Variants in CTNNA2 observed in about 807,000 individuals in gnomAD.
CTNNA2 encodes catenin alpha 2.
A neutral mutation model predicts 101.0 loss-of-function variants in CTNNA2; 42 were observed. That is an observed-to-expected ratio of 0.42 (90% CI 0.32 to 0.54). The LOEUF is 0.54. CTNNA2 is among the 20% of genes least tolerant of loss of function. The pLI is 0.14. For missense variants in CTNNA2, 871 were observed against 1,223.1 expected, an observed-to-expected ratio of 0.71 and a Z score of 4.29; for synonymous variants, 450 against 456.4, an observed-to-expected ratio of 0.99 and a Z score of 0.18.
At chr2:79,881,344 A>C (rs569097013) in intron 6 of CTNNA2, among the ~76,000 whole-genome samples, 1 of 152,310 alleles carries the variant, frequency 6.6e-6, no homozygotes, top group East Asian at 1.9e-4. Flanking sequence ...TCCAGAGCTG[A>C]GTTCAGTCCT....
chr2:80,103,515 G>C (rs1342124217), intron 7 of CTNNA2, among the ~76,000 whole-genome samples: 2 of 152,128 alleles, frequency 1.3e-5, no homozygotes, highest in African/African-American at 2.4e-5. Flanking sequence ...GTATAATTTA[G>C]TCTATAACAA....
intron 9 of CTNNA2, among the ~76,000 whole-genome samples, chr2:80,436,978 G>A (rs889972633): frequency 6.6e-6 from 1 of 152,122 alleles, no homozygotes; most frequent in Non-Finnish European, 1.5e-5. Flanking sequence ...ATTAAGAGGT[G>A]GGGCTTTTAG....
chr2:79,530,807 G>A (rs1024576408), intron 1 of CTNNA2, among the ~76,000 whole-genome samples: 1 of 151,976 alleles, frequency 6.6e-6, no homozygotes. Flanking sequence ...GAAGTGAGAG[G>A]GAAGCATAAA....
chr2:80,623,872 G>C (rs190556584), intron 18 of CTNNA2, among the ~76,000 whole-genome samples: 2 of 152,004 alleles, frequency 1.3e-5, no homozygotes, highest in Admixed American at 1.3e-4. Flanking sequence ...AAAAATTAAA[G>C]TATCATGTTA....
At chr2:80,094,363 A>G (rs963733553) in intron 7 of CTNNA2, among the ~76,000 whole-genome samples, 441 of 152,132 alleles carry the variant, frequency 2.9e-3, no homozygotes, top group Non-Finnish European at 4.5e-3. Context: ...CCATTGGTCT[A>G]TCTCTCTGTT....
intron 1 of CTNNA2, among the ~76,000 whole-genome samples, chr2:79,627,973 T>C (rs1306305414): frequency 6.6e-6 from 1 of 152,202 alleles, no homozygotes; most frequent in Admixed American, 6.5e-5. Context: ...ATGAATTCTT[T>C]GCATATATAT....
At chr2:80,436,686 G>A (rs750871456) in intron 9 of CTNNA2, among the ~76,000 whole-genome samples, 1 of 152,136 alleles carries the variant, frequency 6.6e-6, no homozygotes, top group Non-Finnish European at 1.5e-5. Flanking sequence ...CAGATTTAGT[G>A]TCTGGTGAGG....
At chr2:79,508,033 C>A (rs1025142516) in intron 5 of CTNNA2, among the ~76,000 whole-genome samples, 11 of 152,184 alleles carry the variant, frequency 7.2e-5, no homozygotes, top group African/African-American at 2.7e-4. Context: ...CCTTCCTCAA[C>A]ATCTTTTCAG....
intron 2 of CTNNA2, among the ~76,000 whole-genome samples, chr2:79,246,776 G>A (rs535351177): frequency 6.6e-6 from 1 of 152,222 alleles, no homozygotes; most frequent in African/African-American, 2.4e-5. Flanking sequence ...TAACAATTGA[G>A]CCCATGAGCT....
chr2:80,240,543 C>T (rs946609469), intron 7 of CTNNA2, among the ~76,000 whole-genome samples: 1 of 152,160 alleles, frequency 6.6e-6, no homozygotes, highest in African/African-American at 2.4e-5. Flanking sequence ...CTCTTTGGCT[C>T]CCATGGTACA....
intron 7 of CTNNA2, among the ~76,000 whole-genome samples, chr2:80,284,831 T>G (rs771239441): frequency 6.6e-6 from 1 of 152,156 alleles, no homozygotes; most frequent in African/African-American, 2.4e-5. Context: ...GTTGCATAGA[T>G]AGATAATTCA....
intron 7 of CTNNA2, among the ~76,000 whole-genome samples, chr2:79,935,676 A>G (rs1687739615): frequency 6.6e-6 from 1 of 152,220 alleles, no homozygotes; most frequent in Non-Finnish European, 1.5e-5. Flanking sequence ...CATGAGATGA[A>G]TGCATAAATC....
intron 8 of CTNNA2, among the ~76,000 whole-genome samples, chr2:80,396,412 G>A (rs1343404948): frequency 6.6e-6 from 1 of 152,126 alleles, no homozygotes; most frequent in Non-Finnish European, 1.5e-5. Context: ...AAAGCTGTGG[G>A]CACAGCAGGC....
At chr2:79,622,385 AG>A (rs1336513873) in intron 1 of CTNNA2, among the ~76,000 whole-genome samples, 3 of 152,236 alleles carry the variant, frequency 2.0e-5, no homozygotes, top group Non-Finnish European at 4.4e-5. Flanking sequence ...TGAACAGATA[AG>A]GAACTTAACT....
In CTNNA2 at chr2:79,215,954, G is replaced by A. The variant is rs560911420; in HGVS notation, c.-406+17878G>A. ...TTAGAAAGACTCAGTGACGCTTGGG[G>A]TTGGGACTGAGGGGACATGTGGGAG... On this transcript the variant is annotated intron_variant, in intron 2 of 21. Coordinates refer to the CTNNA2 transcript ENST00000466387. Among the ~76,000 whole-genome samples, 27 of 152,242 alleles carry A rather than the reference G, an allele frequency of 1.8e-4. No individual in the cohort carries two copies. In the East Asian group the frequency reaches 4.8e-3, roughly 27 times the overall value.
chr2:79,801,550 GTC>G, intron 3 of CTNNA2, among the ~76,000 whole-genome samples: 1 of 151,284 alleles, frequency 6.6e-6, no homozygotes, highest in Non-Finnish European at 1.5e-5. Flanking sequence ...CATTTTTCCT[GTC>G]TCTGCAGATT....
chr2:80,522,046 G>C (rs1280989654), intron 9 of CTNNA2, among the ~76,000 whole-genome samples: 1 of 152,120 alleles, frequency 6.6e-6, no homozygotes, highest in Non-Finnish European at 1.5e-5. Flanking sequence ...TCTAAATCAG[G>C]TTATCTGTCC....
At chr2:79,636,113 A>G (rs796119374) in intron 1 of CTNNA2, among the ~76,000 whole-genome samples, 16,201 of 149,306 alleles carry the variant, frequency 0.11, 1,220 homozygotes, top group East Asian at 0.36. Flanking sequence ...TACAAAAAAA[A>G]AAAAAAATTA....
intron 7 of CTNNA2, among the ~76,000 whole-genome samples, chr2:80,195,233 A>G (rs1341343927): frequency 1.3e-5 from 2 of 152,138 alleles, no homozygotes; most frequent in South Asian, 2.1e-4. Flanking sequence ...CTGTACTCCA[A>G]TAGGACTATA....
Sources: gnomAD v4.1 joint callset for allele counts (sites outside exome capture counted in the v4.1 genomes callset) on GRCh38, gnomAD v4.1.1 for gene constraint, MANE v1.5 for transcripts, NCBI Gene and HGNC (gene_info 2026-07-23, HGNC 2026-07-21) for gene names.